Variants in MEGF11 observed in about 807,000 individuals in gnomAD.
MEGF11 encodes the protein multiple epidermal growth factor-like domains protein 11.
Under a neutral mutation model 146.6 loss-of-function variants are expected in MEGF11, and 126 were observed. That is an observed-to-expected ratio of 0.86 (90% CI 0.74 to 1.00). MEGF11 has a LOEUF of 1.00. Among genes scored for constraint, MEGF11 ranks in the 50% least tolerant of loss-of-function variants. The probability of loss-of-function intolerance (pLI) is 0.00; values close to 1 mark genes in which losing one functional copy is unlikely to be tolerated. For missense variants in MEGF11, 1,509 were observed against 1,521.2 expected, an observed-to-expected ratio of 0.99 and a Z score of 0.13; for synonymous variants, 532 against 583.4, an observed-to-expected ratio of 0.91 and a Z score of 1.27.
At chr15:65,971,485 G>T (rs1017748779) in intron 7 of MEGF11, among the ~76,000 whole-genome samples, 4 of 152,308 alleles carry the variant, frequency 2.6e-5, no homozygotes, top group Admixed American at 6.5e-5. Context: ...TTTCAGAGAG[G>T]TTGGTGTCAC....
Position 66,059,400 on chromosome 15 carries a change from C to T in MEGF11, c.394+35002G>A, listed in dbSNP as rs111888810. ...GCGCCCTGCTCAGCAGGTCCTCATTCGGCTAATTGGGTTTTAATGGTCCTA... is the reference window on the plus strand; with the variant it reads ...GCGCCCTGCTCAGCAGGTCCTCATTTGGCTAATTGGGTTTTAATGGTCCTA... On this transcript the variant is annotated intron_variant, in intron 5 of 25. Transcript: ENST00000395614. 4.0e-3 allele frequency among the ~76,000 whole-genome samples: 615 copies of T among 152,324 alleles called. 8 individuals are homozygous for T. The highest frequency in any genetic ancestry group is 0.013 in the African/African-American group (532 of 41,572).
chr15:65,965,287 T>C, intron 8 of MEGF11, 167 bp from the exon 9 acceptor site: 1 of 575,776 alleles, frequency 1.7e-6, no homozygotes, highest in Non-Finnish European at 3.0e-6. Context: ...AAGTAGTCCA[T>C]GGTTTAGTTC....
rs563624651 is a variant in MEGF11 at position 66,227,895 on chromosome 15, G to A, written c.-9+25710C>T. 4.4e-4 allele frequency among the ~76,000 whole-genome samples: 67 copies of A among 152,298 alleles called. No individual in the cohort carries two copies. The South Asian group carries it at 0.013, about 30-fold the overall frequency. ...AGCTGGGCCCAGCCAGCCTCTGGGT[G>A]CTCCAGCCTTCCCGTCAGACTCCAC... On this transcript the variant is annotated intron_variant, in intron 1 of 25. Transcript: ENST00000395614.
intron 5 of MEGF11, among the ~76,000 whole-genome samples, chr15:66,041,736 G>A (rs2083987627): frequency 6.6e-6 from 1 of 152,280 alleles, no homozygotes; most frequent in East Asian, 1.9e-4. Flanking sequence ...TACAGAAAAA[G>A]TTTGCCAATC....
chr15:66,108,681 C>T (rs1216495049), intron 4 of MEGF11, among the ~76,000 whole-genome samples: 1 of 152,108 alleles, frequency 6.6e-6, no homozygotes, highest in Admixed American at 6.5e-5. Flanking sequence ...TTCCTGTGTA[C>T]AGGAGGAGCC....
intron 4 of MEGF11, among the ~76,000 whole-genome samples, chr15:66,102,752 T>C (rs1180207192): frequency 6.6e-6 from 1 of 152,188 alleles, no homozygotes; most frequent in Non-Finnish European, 1.5e-5. Flanking sequence ...CTAAACATTT[T>C]CTTTAGGTAG....
intron 4 of MEGF11, 27 bp from the exon 5 acceptor site, chr15:66,094,521 A>G (rs1288453474): frequency 3.9e-6 from 6 of 1,539,898 alleles, no homozygotes. Context: ...AGAGGGAGGA[A>G]GAACCAGAAC....
chr15:66,052,779 C>T (rs561553050), intron 5 of MEGF11, among the ~76,000 whole-genome samples: 2 of 152,304 alleles, frequency 1.3e-5, no homozygotes, highest in South Asian at 4.1e-4. Flanking sequence ...ACAACTAAAC[C>T]ATGTTAGAAG....
intron 20 of MEGF11, 96 bp from the exon 21 acceptor site, chr15:65,912,296 C>T (rs2078837149): frequency 1.4e-5 from 10 of 723,452 alleles, no homozygotes; most frequent in Non-Finnish European, 1.5e-5. Flanking sequence ...CTTGAGAGAG[C>T]CCTGCAAAGA....
chr15:66,185,265 G>T (rs771780920), intron 1 of MEGF11, among the ~76,000 whole-genome samples: 3 of 152,086 alleles, frequency 2.0e-5, no homozygotes, highest in Admixed American at 6.6e-5. Flanking sequence ...GCTGCCTCAA[G>T]TTCTGCAGAG....
At chr15:66,241,843 A>G (rs778638877) in intron 1 of MEGF11, among the ~76,000 whole-genome samples, 1 of 152,148 alleles carries the variant, frequency 6.6e-6, no homozygotes, top group Non-Finnish European at 1.5e-5. Flanking sequence ...AAAGACATAT[A>G]CAGACGTCCT....
intron 5 of MEGF11, among the ~76,000 whole-genome samples, chr15:65,996,267 G>C (rs1216933835): frequency 6.6e-6 from 1 of 152,188 alleles, no homozygotes; most frequent in Non-Finnish European, 1.5e-5. Context: ...GTCCAAAGGG[G>C]GAAAGCAAAT....
At chr15:66,220,520 C>T (rs1471503809) in intron 1 of MEGF11, among the ~76,000 whole-genome samples, 4 of 115,376 alleles carry the variant, frequency 3.5e-5, no homozygotes, top group African/African-American at 6.9e-5. Flanking sequence ...AAGGAGGTTT[C>T]GTTGGGTTTT....
intron 10 of MEGF11, among the ~76,000 whole-genome samples, chr15:65,950,126 A>G (rs1452174171): frequency 6.6e-6 from 1 of 151,996 alleles, no homozygotes; most frequent in Non-Finnish European, 1.5e-5. Context: ...GTAAATAACA[A>G]CAGCAGCAGC....
intron 5 of MEGF11, among the ~76,000 whole-genome samples, chr15:66,059,375 G>T (rs1597039412): frequency 6.6e-6 from 1 of 152,258 alleles, no homozygotes; most frequent in East Asian, 1.9e-4. Flanking sequence ...AAGAGGAAAG[G>T]CGCCCTGCTC....
chr15:66,113,738 A>T (rs1597096545), intron 4 of MEGF11, among the ~76,000 whole-genome samples: 1 of 152,128 alleles, frequency 6.6e-6, no homozygotes, highest in East Asian at 1.9e-4. Context: ...AAAATTAGCC[A>T]GGTGCGGTGT....
chr15:66,186,127 T>C (rs1672303360), intron 1 of MEGF11, among the ~76,000 whole-genome samples: 1 of 152,118 alleles, frequency 6.6e-6, no homozygotes, highest in Non-Finnish European at 1.5e-5. Flanking sequence ...CAGACCCAGG[T>C]TGACCACTCC....
At chr15:65,912,795 C>G (rs1482217265) in intron 20 of MEGF11, among the ~76,000 whole-genome samples, 4 of 152,210 alleles carry the variant, frequency 2.6e-5, no homozygotes, top group African/African-American at 7.2e-5. Context: ...CACTGGCCTG[C>G]CTCTGTCTAT....
intron 10 of MEGF11, among the ~76,000 whole-genome samples, chr15:65,931,599 G>A (rs907251772): frequency 7.2e-5 from 11 of 152,182 alleles, no homozygotes; most frequent in African/African-American, 2.4e-4. Flanking sequence ...AGTTATTGGA[G>A]GGGTCAGGCC....
Sources: gnomAD v4.1 joint callset for allele counts (sites outside exome capture counted in the v4.1 genomes callset) on GRCh38, gnomAD v4.1.1 for gene constraint, MANE v1.5 for transcripts, NCBI Gene and HGNC (gene_info 2026-07-23, HGNC 2026-07-21) for gene names.